Variants in C3orf33 observed in about 807,000 individuals in gnomAD.
C3orf33 encodes the protein AP-1 activity suppressor.
A neutral mutation model predicts 28.7 loss-of-function variants in C3orf33; 23 were observed. That is an observed-to-expected ratio of 0.80 (90% CI 0.58 to 1.13). The LOEUF is 1.13. Ranked by LOEUF, C3orf33 falls within the 50% of genes most tolerant of loss-of-function variation. The pLI is 0.00. For missense variants in C3orf33, 327 were observed against 353.4 expected (o/e 0.93, Z 0.60); for synonymous variants, 119 against 120.5 (o/e 0.99, Z 0.08).
At chr3:155,785,136 C>A (rs114602898) in intron 2 of C3orf33, among the ~76,000 whole-genome samples, 1 of 151,534 alleles carries the variant, frequency 6.6e-6, no homozygotes, top group African/African-American at 2.4e-5. Flanking sequence ...AAAAAAAGGA[C>A]ATTATATATT....
intron 2 of C3orf33, among the ~76,000 whole-genome samples, chr3:155,784,231 A>C (rs1408587077): frequency 6.6e-6 from 1 of 151,984 alleles, no homozygotes; most frequent in Non-Finnish European, 1.5e-5. Context: ...CGCCCAGCCT[A>C]GTTTATGCTT....
At chr3:155,782,324 G>C (rs1180511659) in intron 2 of C3orf33, among the ~76,000 whole-genome samples, 1 of 141,718 alleles carries the variant, frequency 7.1e-6, no homozygotes, top group African/African-American at 2.6e-5. Context: ...AAACAAGCAG[G>C]AGAGAAACTA....
chr3:155,792,679 A>C lies in C3orf33; in HGVS notation c.174+9853T>G, dbSNP rs113216492. Among the ~76,000 whole-genome samples, 112 of 152,150 alleles carry C rather than the reference A, an allele frequency of 7.4e-4. 3 individuals are homozygous for C. Among genetic ancestry groups the C allele is most frequent in the African/African-American group, 2.6e-3 (109 of 41,420 alleles). ...CAACCAGAAACTCTGGAGCTGAAAA[A>C]TGCAATTGACATATTGAAGAATGCA... On this transcript the variant is annotated intron_variant, in intron 2 of 4. Coordinates refer to ENST00000340171, the MANE Select transcript of C3orf33 (RefSeq NM_001308229.2).
chr3:155,796,955 C>T (rs566379250), intron 2 of C3orf33, among the ~76,000 whole-genome samples: 38 of 152,284 alleles, frequency 2.5e-4, no homozygotes, highest in African/African-American at 8.7e-4. Context: ...CTTTGGGAGG[C>T]CAAGGCAGGC....
At chr3:155,772,811 T>TGTGC (rs777016511) in intron 3 of C3orf33, among the ~76,000 whole-genome samples, 232 of 149,092 alleles carry the variant, frequency 1.6e-3, no homozygotes, top group Non-Finnish European at 2.9e-3. Context: ...TGTGTGTGTG[T>TGTGC]GCCTCCTCAT....
intron 3 of C3orf33, among the ~76,000 whole-genome samples, chr3:155,771,771 A>G (rs933958846): frequency 6.6e-6 from 1 of 152,216 alleles, no homozygotes; most frequent in Non-Finnish European, 1.5e-5. Flanking sequence ...GAGCCCTTCA[A>G]TAAATCTTTT....
chr3:155,764,891 C>G (rs529791938), intron 4 of C3orf33, among the ~76,000 whole-genome samples: 1 of 152,162 alleles, frequency 6.6e-6, no homozygotes, highest in African/African-American at 2.4e-5. Flanking sequence ...GAGATCCTGC[C>G]TAGATATTTC....
intron 4 of C3orf33, 131 bp downstream of exon 4, chr3:155,767,378 C>T: frequency 2.1e-6 from 1 of 481,756 alleles, no homozygotes. Flanking sequence ...TGCATAATCA[C>T]TATCAGTAGC....
intron 2 of C3orf33, among the ~76,000 whole-genome samples, chr3:155,795,617 G>C (rs1161217374): frequency 1.3e-5 from 2 of 152,132 alleles, no homozygotes; most frequent in East Asian, 3.9e-4. Context: ...TGACCACTGA[G>C]TCAACAAAAA....
chr3:155,775,944 T>C, intron 2 of C3orf33, 96 bp from the exon 3 acceptor site: 1 of 893,654 alleles, frequency 1.1e-6, no homozygotes, highest in South Asian at 1.6e-5. Flanking sequence ...CAAGAGTACA[T>C]AACCATGAAC....
At chr3:155,789,791 G>C (rs1023916956) in intron 2 of C3orf33, among the ~76,000 whole-genome samples, 3 of 152,150 alleles carry the variant, frequency 2.0e-5, no homozygotes, top group African/African-American at 7.2e-5. Context: ...ATGGAACAGA[G>C]AGGCCAGGAA....
intron 2 of C3orf33, among the ~76,000 whole-genome samples, chr3:155,776,758 T>TTA (rs1750759771): frequency 9.5e-5 from 2 of 21,008 alleles, no homozygotes; most frequent in Admixed American, 9.8e-4. Flanking sequence ...CCTGACTCTG[T>TTA]CAAAAAAAAA....
At chr3:155,782,328 G>T (rs1750952219) in intron 2 of C3orf33, among the ~76,000 whole-genome samples, 1 of 128,080 alleles carries the variant, frequency 7.8e-6, no homozygotes, top group Non-Finnish European at 1.8e-5. Context: ...AAGCAGGAGA[G>T]AAACTATTTG....
chr3:155,802,582 T>C lies in C3orf33; in HGVS notation c.124A>G (p.Thr42Ala). The part of the protein sequence containing the change: ...DHLRLVRNIS[T>A]GMAIAGIMLL... ...ATTATTCCAGCTATGGCCATTCCAG[T>C]GCTGATGTTCTACAGAAAGAGATTT... Residue 42 changes from threonine to alanine, a missense_variant, in exon 2 of 5, where the codon ACT (threonine) becomes GCT (alanine). By Grantham distance (58) the Thr-to-Ala change is moderately conservative. Coordinates refer to ENST00000340171, the MANE Select transcript of C3orf33 (RefSeq NM_001308229.2). The C allele has an allele frequency of 6.3e-7, 1 of 1,595,176 alleles. No individual in the cohort carries two copies. Among genetic ancestry groups the C allele is most frequent in the African/African-American group, 1.4e-5 (1 of 73,726 alleles).
chr3:155,805,730 A>G, intron 1 of C3orf33: 1 of 446,352 alleles, frequency 2.2e-6, no homozygotes, highest in Non-Finnish European at 4.5e-6. Flanking sequence ...GTCCCTAAAA[A>G]ATAAAATTAA....
At chr3:155,769,266 C>G (rs1398584748) in intron 3 of C3orf33, among the ~76,000 whole-genome samples, 2 of 151,022 alleles carry the variant, frequency 1.3e-5, no homozygotes, top group Non-Finnish European at 2.9e-5. Flanking sequence ...GAGCCAAGAT[C>G]GTGCCATTGC....
chr3:155,803,564 CAAAAAAAAAAA>C (rs63676264), intron 1 of C3orf33, among the ~76,000 whole-genome samples: 4 of 53,846 alleles, frequency 7.4e-5, no homozygotes, highest in African/African-American at 2.5e-4. Context: ...GACTCAGTCT[CAAAAAAAAAAA>C]AAAAAAAAAA....
chr3:155,802,637 C>T (rs764802721), intron 1 of C3orf33, 46 bp from the exon 2 acceptor site: 1 of 1,393,974 alleles, frequency 7.2e-7, no homozygotes, highest in South Asian at 1.2e-5. Context: ...TTATTAGTCA[C>T]AATAATGAAA....
chr3:155,765,796 C>T (rs1203961553), intron 4 of C3orf33, among the ~76,000 whole-genome samples: 2 of 152,194 alleles, frequency 1.3e-5, no homozygotes, highest in African/African-American at 4.8e-5. Flanking sequence ...GAACTGCTGG[C>T]CTCGGCCTCC....
Sources: gnomAD v4.1 joint callset for allele counts (sites outside exome capture counted in the v4.1 genomes callset) on GRCh38, gnomAD v4.1.1 for gene constraint, MANE v1.5 for transcripts, NCBI Gene and HGNC (gene_info 2026-07-23, HGNC 2026-07-21) for gene names.